Variants in KLHL1 observed in about 807,000 individuals in gnomAD.
The protein encoded by KLHL1 is kelch-like protein 1.
Under a neutral mutation model 77.7 loss-of-function variants are expected in KLHL1, and 47 were observed. The ratio of observed to expected loss-of-function variants is 0.60; its 90% CI spans 0.48 to 0.77. The LOEUF is 0.77. KLHL1 is among the 30% of genes least tolerant of loss of function. The pLI is 0.00. For missense variants in KLHL1, 925 were observed against 910.8 expected (o/e 1.02, Z -0.20); for synonymous variants, 360 against 325.2 (o/e 1.11, Z -1.15).
At chr13:69,966,152 T>C (rs1884204940) in intron 2 of KLHL1, among the ~76,000 whole-genome samples, 3 of 152,164 alleles carry the variant, frequency 2.0e-5, no homozygotes, top group South Asian at 2.1e-4. Context: ...ATTTTCAGTG[T>C]TGACCATATA....
intron 8 of KLHL1, among the ~76,000 whole-genome samples, chr13:69,732,108 A>G (rs1191190545): frequency 6.6e-6 from 1 of 152,160 alleles, no homozygotes; most frequent in Admixed American, 6.6e-5. Flanking sequence ...GTTAAAATGC[A>G]AAAATTTTAA....
chr13:69,888,981 G>C (rs117123158), intron 4 of KLHL1, among the ~76,000 whole-genome samples: 3,203 of 151,852 alleles, frequency 0.021, 55 homozygotes, highest in Middle Eastern at 0.048. Flanking sequence ...CAAATATCAA[G>C]AGTTATAAAT....
intron 5 of KLHL1, among the ~76,000 whole-genome samples, chr13:69,839,410 T>C (rs1418379333): frequency 6.6e-6 from 1 of 151,902 alleles, no homozygotes; most frequent in African/African-American, 2.4e-5. Flanking sequence ...AAAAAAACAC[T>C]TATAGTGATC....
chr13:69,997,250 T>C (rs1885179012), intron 1 of KLHL1, among the ~76,000 whole-genome samples: 1 of 151,086 alleles, frequency 6.6e-6, no homozygotes, highest in Non-Finnish European at 1.5e-5. Flanking sequence ...ATAAAATTAA[T>C]TCTTATTTTA....
At chr13:69,934,041 T>G (rs1883091467) in intron 4 of KLHL1, among the ~76,000 whole-genome samples, 1 of 152,180 alleles carries the variant, frequency 6.6e-6, no homozygotes, top group Admixed American at 6.6e-5. Context: ...CTATTGATCC[T>G]GAGTAAATTA....
At position 70,069,134 on chromosome 13, in the gene KLHL1, C is replaced by T. The variant is rs1013162886; in HGVS notation, c.497+38069G>A. On this transcript the variant is annotated intron_variant, in intron 1 of 10. Coordinates refer to ENST00000377844, the MANE Select transcript of KLHL1 (RefSeq NM_020866.3). ...TACTCAGCTCTGGCTCACTAAAAGACGGAGACCTAGTCATAAGGCTCTAGA... is the reference window on the plus strand; with the variant it reads ...TACTCAGCTCTGGCTCACTAAAAGATGGAGACCTAGTCATAAGGCTCTAGA... Among the ~76,000 whole-genome samples, 50 of 152,256 alleles carry T rather than the reference C, an allele frequency of 3.3e-4. 1 individual carries two copies. The highest frequency in any genetic ancestry group is 1.2e-3 in the African/African-American group (49 of 41,562).
At chr13:69,820,334 T>A (rs1437524044) in intron 6 of KLHL1, among the ~76,000 whole-genome samples, 1 of 152,146 alleles carries the variant, frequency 6.6e-6, no homozygotes, top group East Asian at 1.9e-4. Flanking sequence ...AGCAGAAATT[T>A]TACTACTAAC....
intron 7 of KLHL1, among the ~76,000 whole-genome samples, chr13:69,780,879 C>T (rs1324014712): frequency 1.3e-5 from 2 of 151,444 alleles, no homozygotes; most frequent in Non-Finnish European, 2.9e-5. Context: ...TATGAAACCT[C>T]ATTGATTCTG....
At chr13:69,909,548 A>C (rs1033894682) in intron 4 of KLHL1, among the ~76,000 whole-genome samples, 7 of 152,004 alleles carry the variant, frequency 4.6e-5, no homozygotes, top group African/African-American at 1.7e-4. Flanking sequence ...TTTTTTTAAA[A>C]AAATCAAAAG....
chr13:70,046,920 A>G (rs975552718), intron 1 of KLHL1, among the ~76,000 whole-genome samples: 2 of 152,142 alleles, frequency 1.3e-5, no homozygotes, highest in Non-Finnish European at 2.9e-5. Context: ...ATTGTATTTG[A>G]TCCTCCTTTC....
chr13:70,092,289 A>T (rs1442793733), intron 1 of KLHL1, among the ~76,000 whole-genome samples: 2 of 152,104 alleles, frequency 1.3e-5, no homozygotes, highest in Non-Finnish European at 2.9e-5. Flanking sequence ...TACCACCCAA[A>T]ACTACTATTT....
At chr13:70,096,290 A>G (rs889796852) in intron 1 of KLHL1, among the ~76,000 whole-genome samples, 8 of 152,062 alleles carry the variant, frequency 5.3e-5, no homozygotes, top group Non-Finnish European at 1.0e-4. Context: ...AAGTGGTTGT[A>G]CTAATTTACA....
intron 7 of KLHL1, among the ~76,000 whole-genome samples, chr13:69,792,721 C>A (rs184669834): frequency 7.9e-5 from 12 of 151,952 alleles, no homozygotes; most frequent in Non-Finnish European, 1.8e-4. Flanking sequence ...AATGAAATAT[C>A]GATATACACT....
chr13:69,861,293 T>C (rs112920871), intron 5 of KLHL1, among the ~76,000 whole-genome samples: 17 of 152,234 alleles, frequency 1.1e-4, no homozygotes, highest in Non-Finnish European at 2.2e-4. Context: ...CTTCCCTCTT[T>C]AAATTCTCCA....
chr13:69,723,090 C>A (rs1566182312), intron 8 of KLHL1, among the ~76,000 whole-genome samples: 1 of 152,008 alleles, frequency 6.6e-6, no homozygotes, highest in African/African-American at 2.4e-5. Flanking sequence ...ACAAATACCA[C>A]ATTATCTCAC....
intron 4 of KLHL1, among the ~76,000 whole-genome samples, chr13:69,892,606 G>GA (rs150154794): frequency 0.047 from 7,062 of 149,674 alleles, 534 homozygotes; most frequent in African/African-American, 0.16. Context: ...TAACTTCTCA[G>GA]AAAAAAAAAC....
intron 5 of KLHL1, among the ~76,000 whole-genome samples, chr13:69,874,658 A>G (rs942657065): frequency 1.3e-5 from 2 of 152,120 alleles, no homozygotes; most frequent in Admixed American, 6.6e-5. Context: ...ATTGAGAAAA[A>G]TAACTGTTCT....
chr13:70,000,922 T>A (rs1448076364), intron 1 of KLHL1, among the ~76,000 whole-genome samples: 1 of 123,736 alleles, frequency 8.1e-6, no homozygotes. Context: ...AAAATATAAC[T>A]TACAGAAAAA....
intron 2 of KLHL1, among the ~76,000 whole-genome samples, chr13:69,966,690 T>C (rs1441843495): frequency 6.6e-6 from 1 of 152,134 alleles, no homozygotes; most frequent in Non-Finnish European, 1.5e-5. Context: ...CAATACAGGG[T>C]TTTTAGGGTA....
Sources: gnomAD v4.1 joint callset for allele counts (sites outside exome capture counted in the v4.1 genomes callset) on GRCh38, gnomAD v4.1.1 for gene constraint, MANE v1.5 for transcripts, NCBI Gene and HGNC (gene_info 2026-07-23, HGNC 2026-07-21) for gene names.